The following CEMIP variants were observed in gnomAD, a reference collection of about 807,000 sequenced individuals.
CEMIP encodes the protein cell migration inducing hyaluronidase 1, also known as cell migration-inducing and hyaluronan-binding protein.
Under a neutral mutation model 156.9 loss-of-function variants are expected in CEMIP, and 105 were observed. The observed-to-expected ratio is 0.67, with a 90% confidence interval of 0.57 to 0.79. The LOEUF (loss-of-function observed/expected upper bound fraction) is 0.79. Among genes scored for constraint, CEMIP ranks in the 30% least tolerant of loss-of-function variants. The probability of loss-of-function intolerance (pLI) is 0.00; values close to 1 mark genes in which losing one functional copy is unlikely to be tolerated. For synonymous variants in CEMIP, 676 were observed against 668.4 expected, an observed-to-expected ratio of 1.01 and a Z score of -0.17; for missense variants, 1,457 against 1,769.4, an observed-to-expected ratio of 0.82 and a Z score of 3.17.
intron 1 of CEMIP, among the ~76,000 whole-genome samples, chr15:80,852,323 C>G (rs1450049220): frequency 1.3e-5 from 2 of 152,016 alleles, no homozygotes; most frequent in Admixed American, 1.3e-4. Context: ...ACACAGAAGG[C>G]CCTTGAAGTG....
intron 1 of CEMIP, among the ~76,000 whole-genome samples, chr15:80,825,855 G>C (rs1406593448): frequency 6.6e-6 from 1 of 152,160 alleles, no homozygotes; most frequent in African/African-American, 2.4e-5. Flanking sequence ...TGCTCCGACT[G>C]TCCTCTGACC....
chr15:80,934,428 C>T (rs1043456428), intron 23 of CEMIP, among the ~76,000 whole-genome samples: 2 of 152,092 alleles, frequency 1.3e-5, no homozygotes, highest in Non-Finnish European at 2.9e-5. Flanking sequence ...TATTAGTTAG[C>T]TATTATTATA....
chr15:80,840,187 T>C (rs1196467160), intron 1 of CEMIP, among the ~76,000 whole-genome samples: 1 of 152,104 alleles, frequency 6.6e-6, no homozygotes, highest in African/African-American at 2.4e-5. Context: ...GGATCAGTGT[T>C]CTCCAGGAGT....
chr15:80,920,441 C>T (rs1261092490), intron 15 of CEMIP, 142 bp downstream of exon 15: 12 of 704,666 alleles, frequency 1.7e-5, no homozygotes, highest in Middle Eastern at 3.6e-4. Flanking sequence ...TAACCACCTA[C>T]GGCTCCAGCT....
At chr15:80,911,182 T>C (rs1900037390) in intron 14 of CEMIP, among the ~76,000 whole-genome samples, 1 of 152,210 alleles carries the variant, frequency 6.6e-6, no homozygotes, top group Non-Finnish European at 1.5e-5. Context: ...TGGCCCACAC[T>C]TTGCCCTGGG....
chr15:80,935,824 C>T (rs970385943), intron 23 of CEMIP, among the ~76,000 whole-genome samples: 3 of 152,122 alleles, frequency 2.0e-5, no homozygotes, highest in African/African-American at 7.2e-5. Context: ...CTGCAACCCC[C>T]GCCTCCCAGG....
intron 12 of CEMIP, among the ~76,000 whole-genome samples, chr15:80,899,477 T>C (rs1899375748): frequency 6.6e-6 from 1 of 152,148 alleles, no homozygotes; most frequent in South Asian, 2.1e-4. Flanking sequence ...CAAAGACAGA[T>C]GGGCATGTGA....
intron 10 of CEMIP, among the ~76,000 whole-genome samples, chr15:80,893,249 T>C (rs533062173): frequency 6.6e-6 from 1 of 152,058 alleles, no homozygotes; most frequent in Non-Finnish European, 1.5e-5. Context: ...TTAGTTATTA[T>C]ATTGATAATT....
intron 18 of CEMIP, among the ~76,000 whole-genome samples, chr15:80,925,220 C>T (rs1900613713): frequency 6.6e-6 from 1 of 152,210 alleles, no homozygotes; most frequent in Non-Finnish European, 1.5e-5. Context: ...ATAGTGCACT[C>T]CGTTTTGTAG....
intron 1 of CEMIP, among the ~76,000 whole-genome samples, chr15:80,808,216 T>C (rs758900409): frequency 2.0e-4 from 31 of 152,324 alleles, no homozygotes; most frequent in Non-Finnish European, 2.8e-4. Flanking sequence ...GTATCCGGCA[T>C]GTTAGGAATG....
intron 1 of CEMIP, among the ~76,000 whole-genome samples, chr15:80,805,769 T>G (rs1381958117): frequency 6.6e-6 from 1 of 152,224 alleles, no homozygotes; most frequent in Middle Eastern, 3.2e-3. Context: ...AAACTTGATA[T>G]GCCAAATCTA....
At chr15:80,925,424 C>A (rs1358397576) in intron 18 of CEMIP, among the ~76,000 whole-genome samples, 200 bp from the exon 19 acceptor site, 2 of 152,196 alleles carry the variant, frequency 1.3e-5, no homozygotes, top group Non-Finnish European at 2.9e-5. Flanking sequence ...CCTGCATGGG[C>A]TGGTGGAGGA....
chr15:80,893,928 C>T (rs956041765), intron 10 of CEMIP, among the ~76,000 whole-genome samples: 1 of 152,044 alleles, frequency 6.6e-6, no homozygotes, highest in African/African-American at 2.4e-5. Context: ...CAGCTGCAGC[C>T]CTTGCTCTAA....
chr15:80,895,808 T>C (rs930214315), intron 11 of CEMIP, 61 bp from the exon 12 acceptor site: 3 of 1,526,050 alleles, frequency 2.0e-6, no homozygotes, highest in Non-Finnish European at 1.8e-6. Context: ...AAAAAAGAGG[T>C]AGCCAAAAGT....
chr15:80,847,373 G>A (rs1897587453), intron 1 of CEMIP, among the ~76,000 whole-genome samples: 1 of 152,178 alleles, frequency 6.6e-6, no homozygotes, highest in Non-Finnish European at 1.5e-5. Context: ...GGAAACAAGT[G>A]AGGAGTGAAC....
At chr15:80,935,913 T>A (rs1445825967) in intron 23 of CEMIP, among the ~76,000 whole-genome samples, 3 of 152,176 alleles carry the variant, frequency 2.0e-5, no homozygotes, top group Non-Finnish European at 4.4e-5. Flanking sequence ...TAATTTTGTA[T>A]TTTTAGTAGA....
At chr15:80,919,708 G>A (rs973721265) in intron 14 of CEMIP, among the ~76,000 whole-genome samples, 4 of 152,018 alleles carry the variant, frequency 2.6e-5, no homozygotes, top group Non-Finnish European at 5.9e-5. Context: ...CCAGCTACTC[G>A]GGAGGCTGAG....
intron 12 of CEMIP, chr15:80,900,941 T>C (rs954771182): frequency 4.4e-6 from 2 of 455,784 alleles, no homozygotes; most frequent in Non-Finnish European, 8.8e-6. Context: ...TCTACAGGAC[T>C]GTTTGCATTT....
intron 19 of CEMIP, among the ~76,000 whole-genome samples, chr15:80,927,914 AG>A (rs1219610031): frequency 2.0e-5 from 3 of 152,192 alleles, no homozygotes; most frequent in African/African-American, 4.8e-5. Context: ...AAAAAGAAAA[AG>A]GTCCATGTGT....
Sources: allele counts gnomAD v4.1 joint callset (sites outside exome capture counted in the v4.1 genomes callset), GRCh38; gene constraint gnomAD v4.1.1; transcripts MANE v1.5; gene names NCBI Gene and HGNC (gene_info 2026-07-23, HGNC 2026-07-21).